ULK4: variants seen among roughly 807,000 people sequenced by gnomAD.
ULK4 encodes inactive serine/threonine-protein kinase ULK4.
A neutral mutation model predicts 160.6 loss-of-function variants in ULK4; 133 were observed. The ratio of observed to expected loss-of-function variants is 0.83; its 90% CI spans 0.72 to 0.96. The LOEUF is 0.96. ULK4 is among the 40% of genes least tolerant of loss of function. The pLI is 0.00. For missense variants in ULK4, 1,580 were observed against 1,499.5 expected, an observed-to-expected ratio of 1.05 and a Z score of -0.89; for synonymous variants, 534 against 539.8, an observed-to-expected ratio of 0.99 and a Z score of 0.15.
chr3:41,942,669 T>C (rs1456893958), intron 2 of ULK4, among the ~76,000 whole-genome samples: 1 of 151,604 alleles, frequency 6.6e-6, no homozygotes, highest in African/African-American at 2.4e-5. Context: ...ACTACAAAAT[T>C]AGCTGGGCAT....
chr3:41,674,794 G>A (rs796664698), intron 29 of ULK4, among the ~76,000 whole-genome samples: 9 of 152,276 alleles, frequency 5.9e-5, no homozygotes, highest in African/African-American at 2.2e-4. Context: ...GAGGGATTCT[G>A]TAAGAAGAAA....
intron 3 of ULK4, 89 bp from the exon 4 acceptor site, chr3:41,936,029 TA>T (rs1699766637): frequency 1.5e-5 from 22 of 1,516,818 alleles, no homozygotes; most frequent in Non-Finnish European, 2.0e-5. Flanking sequence ...ATACGAACAT[TA>T]AAAAATGATC....
intron 12 of ULK4, among the ~76,000 whole-genome samples, chr3:41,906,440 G>A (rs76105287): frequency 6.6e-5 from 10 of 151,954 alleles, no homozygotes; most frequent in Non-Finnish European, 1.3e-4. Context: ...AAGGCAGGAC[G>A]ACCACTGGAG....
intron 31 of ULK4, among the ~76,000 whole-genome samples, chr3:41,581,370 T>G (rs773530402): frequency 6.6e-6 from 1 of 152,104 alleles, no homozygotes; most frequent in Non-Finnish European, 1.5e-5. Context: ...ATAGCTAAGC[T>G]CCAACATAAA....
At position 41,272,572 on chromosome 3, in the gene ULK4, T is replaced by C. The variant is rs372837619; in HGVS notation, c.3679-22998A>G. Among the ~76,000 whole-genome samples the C allele has an allele frequency of 8.1e-4, 120 of 147,782 alleles. 1 individual carries two copies. The highest frequency in any genetic ancestry group is 3.0e-3 in the African/African-American group (115 of 38,430). ...GGTTTTGTGCAATTTGATCATGATA[T>C]ACCTTGGTGTATTTTTTTTTTTTAT... is the stretch of plus-strand genomic sequence containing the variant. On this transcript the variant is annotated intron_variant, in intron 35 of 36. Coordinates refer to ENST00000301831, the MANE Select transcript of ULK4 (RefSeq NM_017886.4).
intron 32 of ULK4, among the ~76,000 whole-genome samples, chr3:41,542,418 T>A (rs1013000552): frequency 1.3e-5 from 2 of 152,224 alleles, no homozygotes; most frequent in Non-Finnish European, 2.9e-5. Flanking sequence ...TGCTGCTGGA[T>A]TTGGTTTGCC....
intron 31 of ULK4, among the ~76,000 whole-genome samples, chr3:41,608,012 G>A (rs891561209): frequency 8.5e-5 from 13 of 152,298 alleles, no homozygotes; most frequent in Admixed American, 2.6e-4. Context: ...AGACATTTCT[G>A]TGTTGTTTAA....
chr3:41,740,032 C>G (rs553949904), intron 22 of ULK4, among the ~76,000 whole-genome samples: 1 of 151,946 alleles, frequency 6.6e-6, no homozygotes, highest in South Asian at 2.1e-4. Context: ...TGTAGCCAAA[C>G]TATCAGTATT....
intron 22 of ULK4, among the ~76,000 whole-genome samples, chr3:41,725,686 T>C (rs561604783): frequency 1.3e-5 from 2 of 152,330 alleles, no homozygotes; most frequent in South Asian, 4.1e-4. Flanking sequence ...GGATACTGTC[T>C]CTCTTGTTGA....
At chr3:41,709,905 T>C (rs183075800) in intron 25 of ULK4, among the ~76,000 whole-genome samples, 165 of 152,236 alleles carry the variant, frequency 1.1e-3, no homozygotes, top group African/African-American at 3.8e-3. Flanking sequence ...GTAACAACAA[T>C]CCCTTCTGTG....
rs149203135 is a variant in ULK4, at chr3:41,936,785, G to A, written c.239-845C>T. Among the ~76,000 whole-genome samples the A allele has an allele frequency of 8.6e-4, 131 of 152,232 alleles. No homozygotes were observed. The South Asian group carries it at 9.3e-3, about 11-fold the overall frequency. On this transcript the variant is annotated intron_variant, in intron 3 of 36. Coordinates refer to ENST00000301831, the MANE Select transcript of ULK4 (RefSeq NM_017886.4). ...AGGTTGGGAAGGATAGTGGGGAGGTGGTGGGGGAGTGGGGATGGTTAATGG... is the reference window on the plus strand; with the variant it reads ...AGGTTGGGAAGGATAGTGGGGAGGTAGTGGGGGAGTGGGGATGGTTAATGG...
At chr3:41,461,130 A>T (rs1023414259) in intron 33 of ULK4, among the ~76,000 whole-genome samples, 6 of 152,128 alleles carry the variant, frequency 3.9e-5, no homozygotes, top group Admixed American at 3.3e-4. Context: ...AGATTCTGAC[A>T]CGTGCCTGCC....
At chr3:41,383,050 C>A (rs1401669027) in intron 35 of ULK4, among the ~76,000 whole-genome samples, 1 of 151,314 alleles carries the variant, frequency 6.6e-6, no homozygotes, top group Non-Finnish European at 1.5e-5. Context: ...AAAAAATTGC[C>A]ATTGCTGTTT....
intron 35 of ULK4, among the ~76,000 whole-genome samples, chr3:41,368,342 C>T (rs781714035): frequency 3.3e-5 from 5 of 152,164 alleles, no homozygotes; most frequent in African/African-American, 4.8e-5. Context: ...AGCCACCAAG[C>T]CCGGCCTGTG....
At chr3:41,830,097 G>A (rs2041524154) in intron 18 of ULK4, among the ~76,000 whole-genome samples, 3 of 151,972 alleles carry the variant, frequency 2.0e-5, no homozygotes, top group South Asian at 2.1e-4. Context: ...ATTGAACAAC[G>A]AGAACACATG....
chr3:41,733,239 G>A (rs1205816734), intron 22 of ULK4, among the ~76,000 whole-genome samples: 1 of 152,020 alleles, frequency 6.6e-6, no homozygotes, highest in South Asian at 2.1e-4. Context: ...CAATTATTAT[G>A]TGTCAAGTAA....
At chr3:41,816,486 C>A (rs1260018068) in intron 19 of ULK4, among the ~76,000 whole-genome samples, 1 of 152,130 alleles carries the variant, frequency 6.6e-6, no homozygotes, top group Non-Finnish European at 1.5e-5. Context: ...GATGGTCATC[C>A]TCATTAGTAA....
rs541632646 is a variant in ULK4 at position 41,375,533 on chromosome 3, G to A, written c.3678+22546C>T. On this transcript the variant is annotated intron_variant, in intron 35 of 36. Transcript: ENST00000301831. ...TGACAAAAACAAGCAATGGGCAAAC[G>A]ATTCCCTATTTAATAAATGGTGCTG... Among the ~76,000 whole-genome samples, 42 of 150,272 alleles carry A rather than the reference G, an allele frequency of 2.8e-4. 3 individuals carry two copies. In the South Asian group the frequency reaches 6.3e-3, roughly 23 times the overall value.
In ULK4 at chr3:41,463,190, T is replaced by C. The variant is rs368862719; in HGVS notation, c.3290A>G (p.Asn1097Ser). ...ETATLCLDVD[N>S]KNNNEMAAPL... is the part of the protein sequence containing the mutation. ...AGCTGCCATCTCATTGTTGTTTTTA[T>C]TGTCCACATCCAAGCACAGTGTGGC... Residue 1097 changes from asparagine to serine, a missense_variant, in exon 33 of 37, where the codon AAT (asparagine) becomes AGT (serine). By Grantham distance (46) the Asn-to-Ser change is conservative (BLOSUM62 1). Coordinates refer to ENST00000301831, the MANE Select transcript of ULK4 (RefSeq NM_017886.4). 10 of 1,613,504 alleles carry C rather than the reference T, an allele frequency of 6.2e-6. No individual in the cohort carries two copies. In the Admixed American group the frequency reaches 1.2e-4, roughly 19 times the overall value.
Sources: allele counts gnomAD v4.1 joint callset (sites outside exome capture counted in the v4.1 genomes callset), GRCh38; gene constraint gnomAD v4.1.1; transcripts MANE v1.5; gene names NCBI Gene and HGNC (gene_info 2026-07-23, HGNC 2026-07-21).